The following ANKRD30BL variants were observed in gnomAD, a reference collection of about 807,000 sequenced individuals.
ANKRD30BL encodes ankyrin repeat domain 30B like, also known as putative ankyrin repeat domain-containing protein 30B-like.
A neutral mutation model predicts 18.4 loss-of-function variants in ANKRD30BL; 20 were observed. The observed-to-expected ratio is 1.09, with a 90% confidence interval of 0.77 to 1.58. The LOEUF (loss-of-function observed/expected upper bound fraction) is 1.58. ANKRD30BL is among the 40% of genes most tolerant of loss of function. The pLI, the probability that ANKRD30BL is intolerant of heterozygous loss-of-function variation, is 0.00. For synonymous variants in ANKRD30BL, 72 were observed against 100.9 expected (o/e 0.71, Z 1.72); for missense variants, 224 against 268.6 (o/e 0.83, Z 1.16).
intron 1 of ANKRD30BL, among the ~76,000 whole-genome samples, chr2:132,160,637 C>A (rs1397953674): frequency 2.0e-5 from 3 of 150,888 alleles, no homozygotes; most frequent in Non-Finnish European, 4.4e-5. Flanking sequence ...ACCGTGTTAG[C>A]CAGGATGGTC....
At chr2:132,217,657 C>A (rs1236792858) in intron 1 of ANKRD30BL, among the ~76,000 whole-genome samples, 1 of 152,276 alleles carries the variant, frequency 6.6e-6, no homozygotes, top group Non-Finnish European at 1.5e-5. Flanking sequence ...GTGATGTGTA[C>A]ATTCATGTCA....
chr2:132,227,572 A>T (rs1679881204), intron 1 of ANKRD30BL, among the ~76,000 whole-genome samples: 3 of 152,132 alleles, frequency 2.0e-5, no homozygotes, highest in Admixed American at 2.0e-4. Context: ...AGACAGCAGC[A>T]TTCTCAGAAA....
intron 1 of ANKRD30BL, among the ~76,000 whole-genome samples, chr2:132,173,899 A>G (rs1688322532): frequency 6.6e-6 from 1 of 152,186 alleles, no homozygotes; most frequent in Admixed American, 6.5e-5. Context: ...GACTCAGGGA[A>G]TTTACAATAA....
In ANKRD30BL at chr2:132,147,902, G is replaced by A. The variant is rs376298483; in HGVS notation, c.*229C>T. 2.0e-6 allele frequency: 1 copy of A among 490,906 alleles called. No individual in the cohort carries two copies. The highest frequency in any genetic ancestry group is 3.7e-6 in the Non-Finnish European group (1 of 268,110). 30.4% of individuals were successfully genotyped at this position (490,906 alleles called of 1,614,324 possible). A position where few individuals can be genotyped will look rare whatever the true frequency, so the allele number is the denominator to read the frequency against. ...GTTACTAAGAATGACTAAAGACAAA[G>A]CAGGTGTTAGAGGCTAGAAGGGGGC... On this transcript the variant is annotated 3_prime_UTR_variant, in exon 6 of 6. Transcript: ENST00000409867.
At chr2:132,195,788 CAAAAAAAAAAAAAAA>C (rs1205804103) in intron 1 of ANKRD30BL, among the ~76,000 whole-genome samples, 3 of 48,660 alleles carry the variant, frequency 6.2e-5, no homozygotes, top group Non-Finnish European at 1.4e-4. Flanking sequence ...GAGCCTCTGC[CAAAAAAAAAAAAAAA>C]AAAAAAAAAG....
chr2:132,177,967 AT>A (rs1245068423), intron 1 of ANKRD30BL, among the ~76,000 whole-genome samples: 2 of 152,124 alleles, frequency 1.3e-5, no homozygotes, highest in Non-Finnish European at 2.9e-5. Flanking sequence ...TAGCATTAGA[AT>A]TGTATGGGAG....
At chr2:132,226,826 G>A (rs76879263) in intron 1 of ANKRD30BL, among the ~76,000 whole-genome samples, 2 of 151,542 alleles carry the variant, frequency 1.3e-5, no homozygotes, top group Admixed American at 1.3e-4. Context: ...AAGTGGACAT[G>A]TAAAGCGCTT....
chr2:132,222,322 C>A (rs928179500), intron 1 of ANKRD30BL, among the ~76,000 whole-genome samples: 1 of 152,122 alleles, frequency 6.6e-6, no homozygotes, highest in African/African-American at 2.4e-5. Flanking sequence ...GCCATGACCC[C>A]GTCTGGGAGG....
intron 1 of ANKRD30BL, among the ~76,000 whole-genome samples, chr2:132,229,513 T>C (rs79041655): frequency 6.6e-6 from 1 of 152,008 alleles, no homozygotes; most frequent in Non-Finnish European, 1.5e-5. Context: ...ATTCAACTCA[T>C]AGAGTTGAAC....
chr2:132,240,418 A>G (rs796796992), intron 1 of ANKRD30BL, among the ~76,000 whole-genome samples: 3 of 151,934 alleles, frequency 2.0e-5, no homozygotes, highest in African/African-American at 7.2e-5. Context: ...GCAGTTTTGA[A>G]ACACTCTTTT....
intron 1 of ANKRD30BL, among the ~76,000 whole-genome samples, chr2:132,254,431 G>A (rs541664430): frequency 1.7e-3 from 259 of 152,332 alleles, no homozygotes; most frequent in African/African-American, 6.0e-3. Context: ...TGTCTTCTCA[G>A]CGTTCCGCCA....
intron 1 of ANKRD30BL, among the ~76,000 whole-genome samples, chr2:132,254,881 AC>A (rs1056912520): frequency 4.0e-4 from 61 of 152,246 alleles, no homozygotes; most frequent in Admixed American, 3.7e-3. Context: ...ATGCACCACC[AC>A]CCGTGGAATC....
At chr2:132,198,973 A>G (rs1257738455) in intron 1 of ANKRD30BL, among the ~76,000 whole-genome samples, 2 of 152,154 alleles carry the variant, frequency 1.3e-5, no homozygotes, top group Non-Finnish European at 2.9e-5. Flanking sequence ...AAATATTTCA[A>G]TAATTTATCA....
chr2:132,250,958 G>C (rs1195645994), intron 1 of ANKRD30BL, among the ~76,000 whole-genome samples: 2 of 152,136 alleles, frequency 1.3e-5, no homozygotes, highest in Non-Finnish European at 2.9e-5. Flanking sequence ...ATTGGCCTTG[G>C]CAATCCAAGA....
intron 5 of ANKRD30BL, among the ~76,000 whole-genome samples, chr2:132,150,484 T>C (rs1687729822): frequency 6.6e-6 from 1 of 151,216 alleles, no homozygotes; most frequent in South Asian, 2.1e-4. Context: ...TATAAATATA[T>C]TAATTCATTA....
At chr2:132,176,834 A>C (rs1688374758) in intron 1 of ANKRD30BL, among the ~76,000 whole-genome samples, 1 of 152,200 alleles carries the variant, frequency 6.6e-6, no homozygotes, top group Non-Finnish European at 1.5e-5. Context: ...CTTAGGATTT[A>C]GGCTGAACTA....
intron 1 of ANKRD30BL, among the ~76,000 whole-genome samples, chr2:132,178,488 A>G (rs1424475095): frequency 6.6e-6 from 1 of 152,236 alleles, no homozygotes; most frequent in Admixed American, 6.5e-5. Context: ...AATGAATTCC[A>G]TATGTCTGGG....
At position 132,221,576 on chromosome 2, in the gene ANKRD30BL, C is replaced by T. The variant is rs554971055; in HGVS notation, n.441+35953G>A. 4.0e-3 allele frequency among the ~76,000 whole-genome samples: 544 copies of T among 135,644 alleles called. 2 individuals are homozygous for T. Among genetic ancestry groups the T allele is most frequent in the Middle Eastern group, 4.2e-3 (1 of 236 alleles). 89.0% of individuals were successfully genotyped at this position (135,644 alleles called of 152,430 possible). A position where few individuals can be genotyped will look rare whatever the true frequency, so the allele number is the denominator to read the frequency against. ...GTCAGCCCCCCGCCCGGCCAGCCGC[C>T]CAGTCTGGGAGGGAGGTGGGGGGAT... On this transcript the variant is annotated intron_variant and non_coding_transcript_variant, in intron 1 of 4. Coordinates refer to the ANKRD30BL transcript ENST00000470729.
At chr2:132,237,465 GA>G (rs1434275415) in intron 1 of ANKRD30BL, among the ~76,000 whole-genome samples, 1 of 152,058 alleles carries the variant, frequency 6.6e-6, no homozygotes, top group Admixed American at 6.6e-5. Context: ...AAACTAGACA[GA>G]AGCATTCTCA....
Sources: allele counts gnomAD v4.1 joint callset (sites outside exome capture counted in the v4.1 genomes callset), GRCh38; gene constraint gnomAD v4.1.1; transcripts MANE v1.5; gene names NCBI Gene and HGNC (gene_info 2026-07-23, HGNC 2026-07-21).